The following FGF12 variants were observed in gnomAD, a reference collection of about 807,000 sequenced individuals.
FGF12 encodes fibroblast growth factor 12B.
In FGF12, 14 loss-of-function variants were observed where a neutral mutation model predicts 23.6. The ratio of observed to expected loss-of-function variants is 0.59; its 90% confidence interval spans 0.39 to 0.93. The LOEUF (loss-of-function observed/expected upper bound fraction) is 0.93, where lower values mean the gene tolerates loss of function less well. Ranked by LOEUF, FGF12 falls within the 40% of genes least tolerant of loss-of-function variation. FGF12 has a pLI of 0.00. For synonymous variants in FGF12, 62 were observed against 77.3 expected (o/e 0.80, Z 1.04); for missense variants, 175 against 217.8 (o/e 0.80, Z 1.24).
intron 4 of FGF12, among the ~76,000 whole-genome samples, chr3:192,177,236 T>C (rs969120876): frequency 6.6e-6 from 1 of 152,258 alleles, no homozygotes; most frequent in African/African-American, 2.4e-5. Flanking sequence ...ATACGTTTAC[T>C]ATACAGACTA....
intron 2 of FGF12, among the ~76,000 whole-genome samples, chr3:192,534,637 C>G (rs1419253816): frequency 6.6e-6 from 1 of 152,138 alleles, no homozygotes; most frequent in East Asian, 1.9e-4. Flanking sequence ...AGAGATCTCC[C>G]TGCCTTGGCC....
intron 2 of FGF12, among the ~76,000 whole-genome samples, chr3:192,690,675 T>C (rs979086986): frequency 6.6e-6 from 1 of 151,270 alleles, no homozygotes; most frequent in African/African-American, 2.4e-5. Flanking sequence ...AAATGATTAA[T>C]GAAATATCAA....
chr3:192,618,410 A>T (rs904489153), intron 2 of FGF12, among the ~76,000 whole-genome samples: 8 of 152,096 alleles, frequency 5.3e-5, no homozygotes, highest in Non-Finnish European at 1.2e-4. Flanking sequence ...CATTTGATGT[A>T]AGGCAAGATA....
chr3:192,272,443 A>C (rs1713506588), intron 4 of FGF12, among the ~76,000 whole-genome samples: 1 of 152,326 alleles, frequency 6.6e-6, no homozygotes, highest in South Asian at 2.1e-4. Flanking sequence ...AATAAAATAA[A>C]ACGTAACCAG....
chr3:192,282,661 A>G (rs1714213927), intron 4 of FGF12: 1 of 152,018 alleles, frequency 6.6e-6, no homozygotes, highest in South Asian at 2.1e-4. Flanking sequence ...TCTAATATTT[A>G]TCTGATATAT....
chr3:192,234,038 A>G (rs1719156307), intron 4 of FGF12, among the ~76,000 whole-genome samples: 1 of 152,136 alleles, frequency 6.6e-6, no homozygotes, highest in Non-Finnish European at 1.5e-5. Flanking sequence ...TGCTTTGGCT[A>G]TTCCAGCTCT....
intron 5 of FGF12, among the ~76,000 whole-genome samples, chr3:192,160,817 A>C (rs1258041491): frequency 6.6e-6 from 1 of 152,040 alleles, no homozygotes; most frequent in African/African-American, 2.4e-5. Context: ...TTTTTCTTTC[A>C]CCTTTAAAGT....
intron 2 of FGF12, among the ~76,000 whole-genome samples, chr3:192,665,287 T>C (rs544998787): frequency 1.3e-4 from 20 of 152,158 alleles, no homozygotes; most frequent in African/African-American, 4.1e-4. Flanking sequence ...CATGGAACAA[T>C]TATAGGAAAA....
intron 2 of FGF12, among the ~76,000 whole-genome samples, chr3:192,638,462 G>T (rs756257537): frequency 2.0e-5 from 3 of 152,102 alleles, no homozygotes; most frequent in Non-Finnish European, 4.4e-5. Flanking sequence ...GACTCTGCGG[G>T]GAAGAGGGAA....
chr3:192,175,086 A>G (rs1028124178), intron 4 of FGF12, among the ~76,000 whole-genome samples: 2 of 152,290 alleles, frequency 1.3e-5, no homozygotes, highest in Non-Finnish European at 2.9e-5. Context: ...AAATAATCTA[A>G]AGCTTTTGGT....
Position 192,408,114 on chromosome 3 carries a change from C to T in FGF12, c.14-47576G>A, listed in dbSNP as rs1403732685. On this transcript the variant is annotated intron_variant, in intron 2 of 5. Coordinates refer to ENST00000445105, the MANE Select transcript of FGF12 (RefSeq NM_004113.6). The surrounding 1 kb of genome is among the most constrained non-coding windows in gnomAD (Gnocchi z 7.3). ...GACGTGCCTCTCGCACAGGGAGCGC[C>T]CGTCTTTGCTGGGGCTGGAGCGGCG... The T allele has an allele frequency of 6.2e-7, 1 of 1,613,016 alleles. No individual in the cohort carries two copies. The highest frequency in any genetic ancestry group is 1.3e-5 in the African/African-American group (1 of 74,942).
At chr3:192,144,783 T>C (rs1713603006) in intron 5 of FGF12, among the ~76,000 whole-genome samples, 1 of 152,246 alleles carries the variant, frequency 6.6e-6, no homozygotes, top group South Asian at 2.1e-4. Context: ...TTGTATTGTC[T>C]GGCTGTAAAG....
intron 4 of FGF12, among the ~76,000 whole-genome samples, chr3:192,273,535 G>A (rs1713583401): frequency 6.6e-6 from 1 of 152,054 alleles, no homozygotes; most frequent in South Asian, 2.1e-4. Context: ...TAAGCTCGAG[G>A]AGTCACGCAG....
chr3:192,632,362 C>A (rs1715420907), intron 2 of FGF12, among the ~76,000 whole-genome samples: 1 of 152,128 alleles, frequency 6.6e-6, no homozygotes, highest in Admixed American at 6.5e-5. Flanking sequence ...AAACCACTGC[C>A]AGAAAGTAAA....
intron 4 of FGF12, among the ~76,000 whole-genome samples, chr3:192,246,409 T>C (rs967709951): frequency 7.2e-5 from 11 of 152,186 alleles, no homozygotes; most frequent in African/African-American, 1.9e-4. Context: ...TCTTAAGATG[T>C]TGTAGATAGA....
intron 4 of FGF12, among the ~76,000 whole-genome samples, chr3:192,288,299 A>T (rs1052353129): frequency 1.1e-4 from 16 of 152,140 alleles, no homozygotes; most frequent in African/African-American, 3.1e-4. Context: ...AATGCAGAAT[A>T]CACTTAACAC....
intron 2 of FGF12, among the ~76,000 whole-genome samples, chr3:192,574,324 A>T (rs1043694215): frequency 1.3e-5 from 2 of 152,212 alleles, no homozygotes; most frequent in African/African-American, 2.4e-5. Flanking sequence ...ATGAAGCCTC[A>T]ATTCTTAGCA....
Position 192,514,690 on chromosome 3 carries a change from A to T in FGF12, c.14-154152T>A. ...ACCACTTGGGCTGTCGCTGGACCTC[A>T]GGCTCCTTCCACAGAGACACTGCAG... On this transcript the variant is annotated intron_variant, in intron 2 of 5. Coordinates refer to ENST00000445105, the MANE Select transcript of FGF12 (RefSeq NM_004113.6). This position sits in a 1 kb window ranked among gnomAD's most constrained non-coding sequence, Gnocchi z 4.9. 10 of 985,336 alleles carry T rather than the reference A, an allele frequency of 1.0e-5. No individual in the cohort carries two copies. The highest frequency in any genetic ancestry group is 1.7e-5 in the African/African-American group (1 of 57,356). 61.0% of individuals were successfully genotyped at this position (985,336 alleles called of 1,614,324 possible).
chr3:192,611,176 A>G (rs1714537570), intron 2 of FGF12, among the ~76,000 whole-genome samples: 1 of 152,042 alleles, frequency 6.6e-6, no homozygotes, highest in Non-Finnish European at 1.5e-5. Flanking sequence ...CTCCATTGCA[A>G]TGCCATACGT....
Sources: allele counts gnomAD v4.1 joint callset (sites outside exome capture counted in the v4.1 genomes callset), GRCh38; gene constraint gnomAD v4.1.1; non-coding constraint Gnocchi (gnomAD v3.1); transcripts MANE v1.5; gene names NCBI Gene and HGNC (gene_info 2026-07-23, HGNC 2026-07-21).